Variants in SPACA7 observed in about 807,000 individuals in gnomAD.
SPACA7 encodes the protein sperm acrosome-associated protein 7.
In SPACA7, 19 loss-of-function variants were observed where a neutral mutation model predicts 26.3. That is an observed-to-expected ratio of 0.72 (90% CI 0.50 to 1.06). The LOEUF is 1.06. Ranked by LOEUF, SPACA7 falls within the 50% of genes least tolerant of loss-of-function variation. SPACA7 has a pLI of 0.00. For synonymous variants in SPACA7, 84 were observed against 84.5 expected, an observed-to-expected ratio of 0.99 and a Z score of 0.04; for missense variants, 211 against 229.9, an observed-to-expected ratio of 0.92 and a Z score of 0.53.
intron 2 of SPACA7, 22 bp from the exon 3 acceptor site, chr13:112,398,027 G>A: frequency 6.4e-7 from 1 of 1,572,326 alleles, no homozygotes; most frequent in Non-Finnish European, 8.8e-7. Context: ...ACTCTAACGT[G>A]ATCTTGTGTG....
At chr13:112,392,699 C>T (rs904902626) in intron 1 of SPACA7, among the ~76,000 whole-genome samples, 6 of 152,180 alleles carry the variant, frequency 3.9e-5, no homozygotes, top group African/African-American at 9.7e-5. Flanking sequence ...TCCTTGCGAC[C>T]GGGATGTCGT....
chr13:112,414,229 G>C (rs956181906), intron 5 of SPACA7, among the ~76,000 whole-genome samples: 2 of 151,538 alleles, frequency 1.3e-5, no homozygotes, highest in Non-Finnish European at 2.9e-5. Flanking sequence ...ATTCAAGCCT[G>C]ATTCTCCTGC....
chr13:112,424,121 G>A (rs1454019254), intron 5 of SPACA7, among the ~76,000 whole-genome samples: 4 of 152,158 alleles, frequency 2.6e-5, no homozygotes, highest in Admixed American at 6.5e-5. Flanking sequence ...GGGTGAATCC[G>A]AACAAGGACC....
At chr13:112,381,411 T>C (rs1032350468) in intron 1 of SPACA7, among the ~76,000 whole-genome samples, 7 of 150,912 alleles carry the variant, frequency 4.6e-5, no homozygotes, top group African/African-American at 1.7e-4. Context: ...GAGGATCACC[T>C]GAGCCCAAGA....
At chr13:112,433,817 C>A (rs1877441083) in intron 6 of SPACA7, among the ~76,000 whole-genome samples, 1 of 152,186 alleles carries the variant, frequency 6.6e-6, no homozygotes, top group Non-Finnish European at 1.5e-5. Context: ...GTAGAAAGGG[C>A]AGTGAGCGGT....
chr13:112,420,653 G>A (rs1875860777), intron 5 of SPACA7, among the ~76,000 whole-genome samples: 3 of 151,924 alleles, frequency 2.0e-5, no homozygotes, highest in African/African-American at 7.3e-5. Flanking sequence ...CAATATAGAG[G>A]GAGAAATCAT....
chr13:112,383,751 C>T (rs894398765), intron 1 of SPACA7, among the ~76,000 whole-genome samples: 6 of 152,298 alleles, frequency 3.9e-5, no homozygotes, highest in East Asian at 1.9e-4. Flanking sequence ...GATTTCCCAA[C>T]GGGCTTTAAT....
At chr13:112,426,183 T>G (rs570148793) in intron 5 of SPACA7, among the ~76,000 whole-genome samples, 2 of 152,382 alleles carry the variant, frequency 1.3e-5, no homozygotes, top group African/African-American at 4.8e-5. Context: ...AAATTCAACT[T>G]TCTCTCTTGA....
At chr13:112,407,568 C>G (rs1309754855) in intron 5 of SPACA7, among the ~76,000 whole-genome samples, 4 of 152,006 alleles carry the variant, frequency 2.6e-5, no homozygotes, top group Admixed American at 2.0e-4. Context: ...TACAAACTAC[C>G]GTCAGAGAAT....
At chr13:112,432,558 G>A (rs372005886) in intron 6 of SPACA7, 37 bp downstream of exon 6, 15 of 1,479,110 alleles carry the variant, frequency 1.0e-5, no homozygotes, top group Non-Finnish European at 1.4e-5. Flanking sequence ...CTTCTCATTT[G>A]GGGATTCTTT....
At chr13:112,384,084 C>T (rs1049536494) in intron 1 of SPACA7, among the ~76,000 whole-genome samples, 22 of 152,276 alleles carry the variant, frequency 1.4e-4, no homozygotes, top group South Asian at 2.1e-4. Context: ...ATGTTTAATA[C>T]ATTAGTTTTC....
intron 5 of SPACA7, among the ~76,000 whole-genome samples, chr13:112,408,088 C>A (rs778221054): frequency 6.6e-6 from 1 of 152,064 alleles, no homozygotes; most frequent in Non-Finnish European, 1.5e-5. Flanking sequence ...TAAACGTAGT[C>A]GAGCATATAA....
chr13:112,412,713 A>T (rs944629860), intron 5 of SPACA7, among the ~76,000 whole-genome samples: 1 of 152,234 alleles, frequency 6.6e-6, no homozygotes, highest in East Asian at 1.9e-4. Flanking sequence ...AAAGGAGACT[A>T]TCCTTTTTCA....
chr13:112,387,933 C>T (rs1192502783), intron 1 of SPACA7, among the ~76,000 whole-genome samples: 1 of 152,178 alleles, frequency 6.6e-6, no homozygotes, highest in African/African-American at 2.4e-5. Flanking sequence ...CCATTGGTCC[C>T]TGTTTTCTTT....
chr13:112,376,593 T>A (rs1475025637), intron 1 of SPACA7, 114 bp downstream of exon 1: 2 of 1,139,790 alleles, frequency 1.8e-6, no homozygotes, highest in Non-Finnish European at 2.4e-6. Context: ...TACCATTTAT[T>A]CCTTGGGGAA....
intron 1 of SPACA7, among the ~76,000 whole-genome samples, chr13:112,386,682 T>G (rs1884548294): frequency 6.6e-6 from 1 of 152,080 alleles, no homozygotes; most frequent in Non-Finnish European, 1.5e-5. Flanking sequence ...AAAAACAAGA[T>G]CCAAGAAGAG....
chr13:112,425,617 CAG>C (rs1309941575), intron 5 of SPACA7, among the ~76,000 whole-genome samples: 1 of 149,758 alleles, frequency 6.7e-6, no homozygotes. Flanking sequence ...AGAGTGGAGG[CAG>C]AGAGAGAGAA....
chr13:112,399,286 G>C, intron 4 of SPACA7, 113 bp downstream of exon 4: 1 of 710,966 alleles, frequency 1.4e-6, no homozygotes, highest in Non-Finnish European at 2.5e-6. Context: ...CCCTTGGTGG[G>C]AGAATGTGCC....
rs192975668 is a variant in SPACA7 at position 112,428,566 on chromosome 13, C to T, written c.446-3878C>T. 7.1e-4 allele frequency among the ~76,000 whole-genome samples: 107 copies of T among 151,702 alleles called. 2 individuals are homozygous for T. In the East Asian group the frequency reaches 0.018, roughly 26 times the overall value. On this transcript the variant is annotated intron_variant, in intron 5 of 6. Transcript: ENST00000283550. ...CTGCACTCCGGTCTGGGTGACAAAG[C>T]GAGACTCTATCTCAAAAAATAAAAC... is the stretch of plus-strand genomic sequence containing the variant.
Sources: allele counts gnomAD v4.1 joint callset (sites outside exome capture counted in the v4.1 genomes callset), GRCh38; gene constraint gnomAD v4.1.1; transcripts MANE v1.5; gene names NCBI Gene and HGNC (gene_info 2026-07-23, HGNC 2026-07-21).